The following ARFGAP3 variants were observed in gnomAD, a reference collection of about 807,000 sequenced individuals.
ARFGAP3 encodes ADP-ribosylation factor GTPase-activating protein 3.
Under a neutral mutation model 75.0 loss-of-function variants are expected in ARFGAP3, and 72 were observed. The ratio of observed to expected loss-of-function variants is 0.96; its 90% confidence interval spans 0.79 to 1.17. ARFGAP3 has a LOEUF of 1.17. Among genes scored for constraint, ARFGAP3 ranks in the 50% most tolerant of loss-of-function variants. ARFGAP3 has a pLI of 0.00. For synonymous variants in ARFGAP3, 221 were observed against 217.9 expected (o/e 1.01, Z -0.13); for missense variants, 620 against 626.6 (o/e 0.99, Z 0.11).
intron 2 of ARFGAP3, among the ~76,000 whole-genome samples, chr22:42,842,011 C>CTTTTTTTTTTTTTTTTTTTTTT (rs55825441): frequency 1.3e-4 from 12 of 91,250 alleles, no homozygotes; most frequent in Non-Finnish European, 1.6e-4. Context: ...CCATGCCGGG[C>CTTTTTTTTTTTTTTTTTTTTTT]TTTTTTTTTT....
intron 6 of ARFGAP3, among the ~76,000 whole-genome samples, chr22:42,830,227 C>A (rs1445339761): frequency 6.6e-6 from 1 of 151,826 alleles, no homozygotes; most frequent in Non-Finnish European, 1.5e-5. Context: ...AAGAGATCTG[C>A]CTGCCTCAGT....
chr22:42,845,992 C>T lies in ARFGAP3; in HGVS notation c.188+1522G>A, dbSNP rs535306824. On this transcript the variant is annotated intron_variant, in intron 2 of 15. Transcript: ENST00000263245. ...GGTGGAGGTTGCAGTGAGCTGAGAT[C>T]GCGCCATTGCACTCCAGCTTGGGCG... Among the ~76,000 whole-genome samples the T allele has an allele frequency of 4.7e-4, 64 of 137,280 alleles. No individual in the cohort carries two copies. In the South Asian group the frequency reaches 9.2e-3, roughly 20 times the overall value. 90.1% of individuals were successfully genotyped at this position (137,280 alleles called of 152,430 possible). A position where few individuals can be genotyped will look rare whatever the true frequency, so the allele number is the denominator to read the frequency against.
At chr22:42,809,549 G>A (rs986513735) in intron 12 of ARFGAP3, among the ~76,000 whole-genome samples, 3 of 152,066 alleles carry the variant, frequency 2.0e-5, no homozygotes, top group African/African-American at 2.4e-5. Context: ...CAGGGGCCAG[G>A]GGCAGGGGAG....
chr22:42,810,438 T>G (rs1011839088), intron 12 of ARFGAP3, among the ~76,000 whole-genome samples: 2 of 152,188 alleles, frequency 1.3e-5, no homozygotes. Flanking sequence ...CACTCCAGCC[T>G]GGGCAACAGA....
intron 14 of ARFGAP3, among the ~76,000 whole-genome samples, chr22:42,800,713 C>A (rs1012327824): frequency 6.6e-6 from 1 of 152,234 alleles, no homozygotes; most frequent in African/African-American, 2.4e-5. Flanking sequence ...ATCTTGTAGG[C>A]CTTCACCAAT....
chr22:42,817,932 A>C, intron 9 of ARFGAP3, 75 bp from the exon 10 acceptor site: 1 of 1,342,982 alleles, frequency 7.4e-7, no homozygotes, highest in Non-Finnish European at 9.7e-7. Context: ...AGCAAAATTA[A>C]ACATGTAATT....
chr22:42,810,761 T>C lies in ARFGAP3; in HGVS notation c.1196+52A>G, dbSNP rs1430932417. 3.3e-6 allele frequency: 5 copies of C among 1,523,254 alleles called. No homozygotes were observed. In the South Asian group the frequency reaches 4.7e-5, roughly 14 times the overall value. 94.4% of individuals were successfully genotyped at this position (1,523,254 alleles called of 1,614,324 possible). On this transcript the variant is annotated intron_variant, in intron 12 of 15. Coordinates refer to ENST00000263245, the MANE Select transcript of ARFGAP3 (RefSeq NM_014570.5). ...TGTCATCATGTTATCAGCAATTTTT[T>C]CCCAGAAATGCATGGATTCACTACT...
chr22:42,806,590 G>A (rs1925133814), intron 14 of ARFGAP3, among the ~76,000 whole-genome samples: 1 of 152,230 alleles, frequency 6.6e-6, no homozygotes. Context: ...CCTGCTGTGT[G>A]CCAGACACTT....
intron 2 of ARFGAP3, among the ~76,000 whole-genome samples, chr22:42,844,048 C>T (rs1194167086): frequency 6.6e-6 from 1 of 152,186 alleles, no homozygotes; most frequent in African/African-American, 2.4e-5. Flanking sequence ...GCACACCACC[C>T]ATGCCACACA....
chr22:42,832,615 T>C (rs1926346388), intron 5 of ARFGAP3, among the ~76,000 whole-genome samples: 1 of 151,408 alleles, frequency 6.6e-6, no homozygotes, highest in African/African-American at 2.4e-5. Flanking sequence ...CCTTACCCAG[T>C]GGGACTGGGA....
intron 8 of ARFGAP3, 105 bp downstream of exon 8, chr22:42,823,551 T>C (rs1334843086): frequency 4.8e-6 from 4 of 828,646 alleles, no homozygotes; most frequent in South Asian, 1.8e-5. Flanking sequence ...CAAAGCTACA[T>C]TTATTACAAG....
chr22:42,797,482 G>T lies in ARFGAP3; in HGVS notation c.*106C>A. On this transcript the variant is annotated 3_prime_UTR_variant, in exon 16 of 16. Transcript: ENST00000263245. ...GAAACATATACCATATGAAAAAGTA[G>T]CAAAACAATCTGCAAAACTATCTGG... 2 of 1,436,512 alleles carry T rather than the reference G, an allele frequency of 1.4e-6. No individual in the cohort carries two copies. The highest frequency in any genetic ancestry group is 2.0e-6 in the Non-Finnish European group (2 of 1,024,990). The allele number at this position is 1,436,512 out of a possible 1,614,324, so 89.0% of individuals were successfully genotyped here. A position where few individuals can be genotyped will look rare whatever the true frequency, so the allele number is the denominator to read the frequency against.
chr22:42,856,414 T>A (rs1269521715), intron 1 of ARFGAP3, among the ~76,000 whole-genome samples: 3 of 151,962 alleles, frequency 2.0e-5, no homozygotes, highest in African/African-American at 7.3e-5. Context: ...ACCCGACGTG[T>A]CACCTTAGCC....
At chr22:42,851,207 T>C (rs1456164929) in intron 1 of ARFGAP3, among the ~76,000 whole-genome samples, 1 of 152,196 alleles carries the variant, frequency 6.6e-6, no homozygotes, top group Non-Finnish European at 1.5e-5. Flanking sequence ...AGCAGTCCAG[T>C]GGGCAAGACA....
intron 9 of ARFGAP3, among the ~76,000 whole-genome samples, chr22:42,818,215 T>C (rs1211169398): frequency 6.6e-6 from 1 of 151,876 alleles, no homozygotes; most frequent in East Asian, 1.9e-4. Context: ...ACTTCCACAT[T>C]ACATAACAAA....
chr22:42,809,641 T>G (rs1925274296), intron 12 of ARFGAP3, among the ~76,000 whole-genome samples: 1 of 152,038 alleles, frequency 6.6e-6, no homozygotes, highest in Admixed American at 6.6e-5. Context: ...ATTACATGAA[T>G]GTATGTGCTT....
Position 42,822,250 on chromosome 22 carries a change from T to C in ARFGAP3, c.812+20A>G. On this transcript the variant is annotated intron_variant, in intron 9 of 15. Coordinates refer to ENST00000263245, the MANE Select transcript of ARFGAP3 (RefSeq NM_014570.5). ...GTTTTATTCCCTGAAAATGTATTAA[T>C]ATAATGAAATTAAACTTACATTGAT... The C allele has an allele frequency of 6.3e-7, 1 of 1,592,884 alleles. No individual in the cohort carries two copies. The highest frequency in any genetic ancestry group is 8.6e-7 in the Non-Finnish European group (1 of 1,164,746).
At chr22:42,802,746 C>T (rs1284017561) in intron 14 of ARFGAP3, among the ~76,000 whole-genome samples, 10 of 151,010 alleles carry the variant, frequency 6.6e-5, no homozygotes, top group South Asian at 4.2e-4. Context: ...GGACTACAGG[C>T]GCCCACCACC....
In ARFGAP3 at chr22:42,799,028, A is replaced by G; in HGVS notation, c.1533+11T>C. 6.2e-7 allele frequency: 1 copy of G among 1,613,408 alleles called. No individual in the cohort carries two copies. Among genetic ancestry groups the G allele is most frequent in the African/African-American group, 1.3e-5 (1 of 75,034 alleles). On this transcript the variant is annotated intron_variant, in intron 15 of 15. Transcript: ENST00000263245. ...CGTCATAGCCAGTGAGCACTGCCCC[A>G]TTCCACTGACCTGAATTGAAGTCAC...
Sources: allele counts gnomAD v4.1 joint callset (sites outside exome capture counted in the v4.1 genomes callset), GRCh38; gene constraint gnomAD v4.1.1; transcripts MANE v1.5; gene names NCBI Gene and HGNC (gene_info 2026-07-23, HGNC 2026-07-21).